DTNBP1: variants seen among roughly 807,000 people sequenced by gnomAD.
DTNBP1 encodes the protein dystrobrevin binding protein 1.
DTNBP1 carries 35 observed loss-of-function variants against 42.8 expected under a neutral mutation model. That is an observed-to-expected ratio of 0.82 (90% CI 0.63 to 1.09). The LOEUF is 1.09. Among genes scored for constraint, DTNBP1 ranks in the 50% least tolerant of loss-of-function variants. The probability of loss-of-function intolerance (pLI) is 0.00; values close to 1 mark genes in which losing one functional copy is unlikely to be tolerated. For synonymous variants in DTNBP1, 171 were observed against 162.2 expected, an observed-to-expected ratio of 1.05 and a Z score of -0.41; for missense variants, 457 against 424.2, an observed-to-expected ratio of 1.08 and a Z score of -0.68.
intron 6 of DTNBP1, among the ~76,000 whole-genome samples, chr6:15,607,707 T>C (rs1758157737): frequency 6.6e-6 from 1 of 152,226 alleles, no homozygotes; most frequent in Admixed American, 6.5e-5. Flanking sequence ...TCTGATCACA[T>C]ACTGTTTTAT....
intron 7 of DTNBP1, among the ~76,000 whole-genome samples, chr6:15,567,068 T>C (rs1188277099): frequency 1.3e-5 from 2 of 152,236 alleles, no homozygotes; most frequent in African/African-American, 2.4e-5. Flanking sequence ...ACTGAGAGTA[T>C]AGCACCTTTT....
intron 7 of DTNBP1, among the ~76,000 whole-genome samples, chr6:15,592,094 T>C (rs1329197427): frequency 1.3e-5 from 2 of 152,240 alleles, no homozygotes; most frequent in Non-Finnish European, 1.5e-5. Context: ...ATAATAGCTA[T>C]AGGAGGAATA....
chr6:15,559,392 C>T (rs537518516), intron 7 of DTNBP1, among the ~76,000 whole-genome samples: 58 of 152,262 alleles, frequency 3.8e-4, no homozygotes, highest in Middle Eastern at 6.8e-3. Flanking sequence ...TTTGAAGTGT[C>T]ATCTTGTTTT....
At chr6:15,655,866 A>G in intron 1 of DTNBP1, among the ~76,000 whole-genome samples, 1 of 151,166 alleles carries the variant, frequency 6.6e-6, no homozygotes, top group African/African-American at 2.5e-5. Flanking sequence ...TTTTTATTTT[A>G]GGATAACTCC....
At chr6:15,642,550 T>TA (rs1213795496) in intron 3 of DTNBP1, among the ~76,000 whole-genome samples, 2 of 152,034 alleles carry the variant, frequency 1.3e-5, no homozygotes, top group African/African-American at 4.8e-5. Flanking sequence ...AAAAATCTGC[T>TA]AAAAAAGGGC....
chr6:15,645,375 C>T (rs1760616332), intron 3 of DTNBP1, among the ~76,000 whole-genome samples: 2 of 152,028 alleles, frequency 1.3e-5, no homozygotes, highest in Non-Finnish European at 2.9e-5. Flanking sequence ...AGAACTGGTA[C>T]CAATCTTACT....
chr6:15,648,260 A>C (rs1760795731), intron 3 of DTNBP1, among the ~76,000 whole-genome samples: 3 of 152,154 alleles, frequency 2.0e-5, no homozygotes, highest in South Asian at 4.1e-4. Context: ...CAACATAATA[A>C]AAATTCATAG....
chr6:15,624,679 G>A (rs932055210), intron 5 of DTNBP1, among the ~76,000 whole-genome samples: 2 of 152,142 alleles, frequency 1.3e-5, no homozygotes, highest in Non-Finnish European at 2.9e-5. Context: ...AAGTTAGGGG[G>A]ACCCTGTGAC....
chr6:15,653,350 T>C (rs1761120430), intron 1 of DTNBP1, among the ~76,000 whole-genome samples: 1 of 152,134 alleles, frequency 6.6e-6, no homozygotes. Flanking sequence ...TCTATGGTAG[T>C]TTTGTGTTTG....
At position 15,545,957 on chromosome 6, in the gene DTNBP1, T is replaced by C. The variant is rs563479536; in HGVS notation, c.512-12562A>G. The C allele has an allele frequency of 4.2e-5, 17 of 400,116 alleles. 1 individual carries two copies. Among genetic ancestry groups the C allele is most frequent in the African/African-American group, 3.0e-4 (14 of 47,142 alleles). The allele number at this position is 400,116 out of a possible 1,614,324, so 24.8% of individuals were successfully genotyped here. A position where few individuals can be genotyped will look rare whatever the true frequency, so the allele number is the denominator to read the frequency against. Reference sequence around the variant, plus strand: ...TGCAGGGCCAGCTCAGGCAGGCGGGTCTCAGCACACCACTCACCTCCCACC... The same window carrying C: ...TGCAGGGCCAGCTCAGGCAGGCGGGCCTCAGCACACCACTCACCTCCCACC... On this transcript the variant is annotated intron_variant, in intron 7 of 9. Transcript: ENST00000344537.
intron 3 of DTNBP1, among the ~76,000 whole-genome samples, chr6:15,640,189 C>A (rs752272009): frequency 6.6e-6 from 1 of 152,168 alleles, no homozygotes; most frequent in African/African-American, 2.4e-5. Flanking sequence ...GCCTTAGCTG[C>A]CAATCAGCAC....
intron 5 of DTNBP1, among the ~76,000 whole-genome samples, chr6:15,621,050 T>A (rs1014073644): frequency 6.6e-6 from 1 of 152,218 alleles, no homozygotes. Flanking sequence ...CCAGTAATGA[T>A]CATGATGTAA....
intron 3 of DTNBP1, among the ~76,000 whole-genome samples, chr6:15,646,254 AATAG>A (rs1390907175): frequency 9.7e-6 from 1 of 103,184 alleles, no homozygotes; most frequent in African/African-American, 5.0e-5. Context: ...TCTCATTTAC[AATAG>A]ACACACACAC....
chr6:15,524,554 T>C lies in DTNBP1; in HGVS notation c.783A>G (p.Glu261=). The C allele has an allele frequency of 6.2e-7, 1 of 1,610,450 alleles. No homozygotes were observed. Among genetic ancestry groups the C allele is most frequent in the South Asian group, 1.1e-5 (1 of 90,600 alleles). The part of the protein sequence containing the change: ...ALDVFLNSGG[E]ENTVLSPALG... Reference sequence around the variant, plus strand: ...AGGCGGGGGACAGCACAGTGTTCTCTTCTCCTCCAGAGTTCAGGAAGACGT... The same window carrying C: ...AGGCGGGGGACAGCACAGTGTTCTCCTCTCCTCCAGAGTTCAGGAAGACGT... The change falls in exon 9 of 10, where the codon GAA becomes GAG. Residue 261 remains glutamate, a synonymous_variant. Transcript: ENST00000344537.
intron 7 of DTNBP1, among the ~76,000 whole-genome samples, chr6:15,549,962 G>C (rs994002905): frequency 6.6e-6 from 1 of 152,158 alleles, no homozygotes. Flanking sequence ...ACCACCACCA[G>C]AGCTAGATCC....
At chr6:15,523,826 C>CA in intron 9 of DTNBP1, 2 of 1,287,186 alleles carry the variant, frequency 1.6e-6, no homozygotes, top group South Asian at 2.5e-5. Context: ...ACCGTTCTGA[C>CA]AGATTGCCAG....
chr6:15,627,267 C>T (rs1225429161), intron 5 of DTNBP1, 76 bp downstream of exon 5: 37 of 1,578,830 alleles, frequency 2.3e-5, no homozygotes, highest in Non-Finnish European at 3.0e-5. Context: ...TCCTGAAAAG[C>T]TCTGAAATTA....
At chr6:15,527,572 G>A (rs1315676791) in intron 8 of DTNBP1, among the ~76,000 whole-genome samples, 4 of 152,094 alleles carry the variant, frequency 2.6e-5, no homozygotes, top group African/African-American at 9.7e-5. Flanking sequence ...AGAGAGGAAC[G>A]CTGAAAATCA....
chr6:15,657,817 A>G (rs1178663709), intron 1 of DTNBP1, among the ~76,000 whole-genome samples: 1 of 152,232 alleles, frequency 6.6e-6, no homozygotes, highest in African/African-American at 2.4e-5. Flanking sequence ...ATATTCTATT[A>G]TTAGGCACTA....
Sources: gnomAD v4.1 joint callset for allele counts (sites outside exome capture counted in the v4.1 genomes callset) on GRCh38, gnomAD v4.1.1 for gene constraint, MANE v1.5 for transcripts, NCBI Gene and HGNC (gene_info 2026-07-23, HGNC 2026-07-21) for gene names.